Variants in PTPRM observed in about 807,000 individuals in gnomAD.
PTPRM encodes protein tyrosine phosphatase receptor type M.
In PTPRM, 47 loss-of-function variants were observed where a neutral mutation model predicts 186.7. The ratio of observed to expected loss-of-function variants is 0.25; its 90% CI spans 0.20 to 0.32. The LOEUF is 0.32. Among genes scored for constraint, PTPRM ranks in the 10% least tolerant of loss-of-function variants. The probability of loss-of-function intolerance (pLI) is 1.00; values close to 1 mark genes in which losing one functional copy is unlikely to be tolerated. For missense variants in PTPRM, 1,494 were observed against 1,865.0 expected (o/e 0.80, Z 3.66); for synonymous variants, 668 against 674.9 (o/e 0.99, Z 0.16).
At chr18:8,344,893 C>A (rs1246610699) in intron 23 of PTPRM, among the ~76,000 whole-genome samples, 1 of 152,014 alleles carries the variant, frequency 6.6e-6, no homozygotes, top group Non-Finnish European at 1.5e-5. Context: ...AGAGAAAGGG[C>A]AAACTGGGGA....
chr18:7,870,551 T>G (rs1403428499), intron 2 of PTPRM, among the ~76,000 whole-genome samples: 2 of 152,182 alleles, frequency 1.3e-5, no homozygotes, highest in Non-Finnish European at 2.9e-5. Flanking sequence ...GTATATGTAC[T>G]CTCTAGTACT....
At chr18:7,677,380 C>A (rs1444557492) in intron 1 of PTPRM, among the ~76,000 whole-genome samples, 1 of 152,190 alleles carries the variant, frequency 6.6e-6, no homozygotes, top group Non-Finnish European at 1.5e-5. Flanking sequence ...TATGTTTCAA[C>A]AGATACAGCA....
chr18:7,960,476 T>TACACACAC (rs756838680), intron 7 of PTPRM, among the ~76,000 whole-genome samples: 1 of 114,446 alleles, frequency 8.7e-6, no homozygotes, highest in African/African-American at 3.6e-5. Flanking sequence ...TATATATATA[T>TACACACAC]ATATACACAC....
chr18:7,638,232 C>T (rs1336872853), intron 1 of PTPRM, among the ~76,000 whole-genome samples: 1 of 152,164 alleles, frequency 6.6e-6, no homozygotes, highest in African/African-American at 2.4e-5. Flanking sequence ...AATAAAGTAT[C>T]TGAGAAAGCA....
At chr18:7,777,166 A>T (rs1233038555) in intron 2 of PTPRM, among the ~76,000 whole-genome samples, 1 of 152,116 alleles carries the variant, frequency 6.6e-6, no homozygotes, top group African/African-American at 2.4e-5. Flanking sequence ...GTAAAATACT[A>T]TTGGATTTAT....
At chr18:8,178,535 G>A (rs940622642) in intron 14 of PTPRM, among the ~76,000 whole-genome samples, 9 of 152,126 alleles carry the variant, frequency 5.9e-5, no homozygotes, top group South Asian at 2.1e-4. Flanking sequence ...TGTAGTCTCA[G>A]CACTTTGGGA....
intron 7 of PTPRM, among the ~76,000 whole-genome samples, chr18:8,013,004 C>T (rs73383892): frequency 0.014 from 2,148 of 151,916 alleles, 64 homozygotes; most frequent in African/African-American, 0.05. Flanking sequence ...ATTTGCTAGC[C>T]CAACCCTGTC....
chr18:8,334,785 G>A (rs1266139), intron 22 of PTPRM, among the ~76,000 whole-genome samples: 55,268 of 151,870 alleles, frequency 0.36, 10,182 homozygotes, highest in Admixed American at 0.48. Context: ...GGACACTGGC[G>A]TCTGTCCAGA....
At chr18:7,911,846 A>ATTTTTTTTTTTTTTTTTTT (rs57590269) in intron 4 of PTPRM, among the ~76,000 whole-genome samples, 3 of 80,680 alleles carry the variant, frequency 3.7e-5, no homozygotes, top group African/African-American at 5.6e-5. Flanking sequence ...TATGGTTTCA[A>ATTTTTTTTTTTTTTTTTTT]TTTTTTTTTT....
chr18:7,647,711 T>C (rs1167605201), intron 1 of PTPRM, among the ~76,000 whole-genome samples: 1 of 152,214 alleles, frequency 6.6e-6, no homozygotes, highest in Non-Finnish European at 1.5e-5. Context: ...ACTTGCTCCC[T>C]TGACTTCAGG....
intron 7 of PTPRM, among the ~76,000 whole-genome samples, chr18:8,045,027 A>C (rs2086947219): frequency 1.3e-5 from 2 of 152,176 alleles, no homozygotes; most frequent in Non-Finnish European, 1.5e-5. Context: ...TATACCTAGC[A>C]CATGTGAAAA....
intron 19 of PTPRM, among the ~76,000 whole-genome samples, chr18:8,264,801 CA>C (rs1213647812): frequency 2.0e-5 from 3 of 150,136 alleles, no homozygotes; most frequent in African/African-American, 7.4e-5. Context: ...AAAGAGTACA[CA>C]CCTACACACA....
At chr18:8,384,226 G>A (rs2148530756) in intron 29 of PTPRM, among the ~76,000 whole-genome samples, 2 of 152,310 alleles carry the variant, frequency 1.3e-5, no homozygotes, top group South Asian at 4.1e-4. Context: ...GGGAGGCTGA[G>A]GCAGGAGGAT....
intron 2 of PTPRM, among the ~76,000 whole-genome samples, chr18:7,820,142 G>A (rs989013624): frequency 1.2e-5 from 1 of 80,612 alleles, no homozygotes; most frequent in Non-Finnish European, 2.2e-5. Flanking sequence ...GTGCCTGCCT[G>A]TATCCAGCTT....
At chr18:7,996,753 A>G (rs1599942100) in intron 7 of PTPRM, among the ~76,000 whole-genome samples, 3 of 151,868 alleles carry the variant, frequency 2.0e-5, no homozygotes, top group Non-Finnish European at 4.4e-5. Context: ...ACAGCAAACA[A>G]TCTGAAAATG....
intron 19 of PTPRM, among the ~76,000 whole-genome samples, chr18:8,282,488 C>A (rs1443605112): frequency 6.6e-6 from 1 of 152,094 alleles, no homozygotes; most frequent in Non-Finnish European, 1.5e-5. Flanking sequence ...CATGGTGAAA[C>A]CCTGTCTCTA....
In PTPRM at chr18:8,366,106, A is replaced by G. The variant is rs545011225; in HGVS notation, c.3055-4784A>G. Reference sequence around the variant, plus strand: ...AGACCTCCCTCCCCCCAGCTAAGTGATTCTAATGTGCAGGCAAATTTGGGA... The same window carrying G: ...AGACCTCCCTCCCCCCAGCTAAGTGGTTCTAATGTGCAGGCAAATTTGGGA... On this transcript the variant is annotated intron_variant, in intron 23 of 32. Transcript: ENST00000580170. Among the ~76,000 whole-genome samples the G allele has an allele frequency of 6.6e-5, 10 of 152,284 alleles. No individual in the cohort carries two copies. The East Asian group carries it at 1.7e-3, about 26-fold the overall frequency.
At chr18:8,188,799 A>G (rs2093674037) in intron 14 of PTPRM, among the ~76,000 whole-genome samples, 1 of 152,160 alleles carries the variant, frequency 6.6e-6, no homozygotes, top group South Asian at 2.1e-4. Flanking sequence ...TATGTTTAAT[A>G]CAGAGATCCA....
intron 2 of PTPRM, among the ~76,000 whole-genome samples, chr18:7,855,133 C>T (rs1176216293): frequency 6.6e-6 from 1 of 152,076 alleles, no homozygotes; most frequent in African/African-American, 2.4e-5. Context: ...TCTCCTTCTC[C>T]CCTGGTGGAG....
Sources: allele counts gnomAD v4.1 joint callset (sites outside exome capture counted in the v4.1 genomes callset), GRCh38; gene constraint gnomAD v4.1.1; transcripts MANE v1.5; gene names NCBI Gene and HGNC (gene_info 2026-07-23, HGNC 2026-07-21).